ANO6: variants seen among roughly 807,000 people sequenced by gnomAD.
ANO6 encodes anoctamin 6.
Under a neutral mutation model 117.5 loss-of-function variants are expected in ANO6, and 106 were observed. That is an observed-to-expected ratio of 0.90 (90% CI 0.77 to 1.06). The LOEUF (loss-of-function observed/expected upper bound fraction) is 1.06. Among genes scored for constraint, ANO6 ranks in the 50% least tolerant of loss-of-function variants. The pLI, the probability that ANO6 is intolerant of heterozygous loss-of-function variation, is 0.00. For missense variants in ANO6, 955 were observed against 1,121.1 expected (o/e 0.85, Z 2.12); for synonymous variants, 367 against 385.1 (o/e 0.95, Z 0.55).
At chr12:45,253,855 G>A (rs1355974950) in intron 1 of ANO6, among the ~76,000 whole-genome samples, 1 of 152,196 alleles carries the variant, frequency 6.6e-6, no homozygotes, top group African/African-American at 2.4e-5. Context: ...AACTCTCCAT[G>A]TAATAATTCA....
chr12:45,226,426 G>GAAAA (rs10652406), intron 1 of ANO6, among the ~76,000 whole-genome samples: 31 of 149,976 alleles, frequency 2.1e-4, no homozygotes, highest in African/African-American at 6.1e-4. Context: ...ACTTGAAATT[G>GAAAA]AAAAAAAAAG....
intron 2 of ANO6, among the ~76,000 whole-genome samples, chr12:45,320,569 G>C (rs1476092040): frequency 6.6e-6 from 1 of 152,190 alleles, no homozygotes; most frequent in Non-Finnish European, 1.5e-5. Flanking sequence ...TAGGTGCGGT[G>C]TGGTGCTGAG....
At chr12:45,321,956 G>A (rs1041639238) in intron 2 of ANO6, among the ~76,000 whole-genome samples, 2 of 152,074 alleles carry the variant, frequency 1.3e-5, no homozygotes, top group African/African-American at 4.8e-5. Flanking sequence ...GTGACAACTT[G>A]TTTTTTTCAC....
At chr12:45,379,679 G>A (rs537372745) in intron 10 of ANO6, among the ~76,000 whole-genome samples, 4 of 152,244 alleles carry the variant, frequency 2.6e-5, no homozygotes, top group African/African-American at 7.2e-5. Flanking sequence ...CCCAATTAAA[G>A]AAGACATTTG....
intron 3 of ANO6, among the ~76,000 whole-genome samples, chr12:45,336,744 T>C (rs1314135231): frequency 2.6e-5 from 4 of 152,070 alleles, no homozygotes; most frequent in Non-Finnish European, 5.9e-5. Context: ...ATTTTAAAAG[T>C]ATACTTTTTA....
chr12:45,367,815 AT>A, intron 9 of ANO6, 22 bp downstream of exon 9: 1 of 1,545,510 alleles, frequency 6.5e-7, no homozygotes, highest in Non-Finnish European at 8.9e-7. Context: ...TATTGCCAAT[AT>A]TTACACCTAA....
At chr12:45,302,423 C>A (rs1466680937) in intron 2 of ANO6, among the ~76,000 whole-genome samples, 9 of 152,170 alleles carry the variant, frequency 5.9e-5, no homozygotes, top group Admixed American at 5.9e-4. Flanking sequence ...TTGTTAGTAA[C>A]TCTGGAAAGC....
intron 1 of ANO6, 90 bp from the exon 2 acceptor site, chr12:45,301,924 A>G: frequency 9.3e-7 from 1 of 1,074,468 alleles, no homozygotes; most frequent in African/African-American, 1.6e-5. Flanking sequence ...ACCAATGTTA[A>G]TAACCCGGTG....
chr12:45,356,855 T>TA (rs1446226637), intron 7 of ANO6, among the ~76,000 whole-genome samples: 1 of 152,198 alleles, frequency 6.6e-6, no homozygotes, highest in East Asian at 1.9e-4. Context: ...ATTTGTGACT[T>TA]ACGTTACATT....
At chr12:45,267,090 T>C (rs747624459) in intron 1 of ANO6, among the ~76,000 whole-genome samples, 3 of 152,176 alleles carry the variant, frequency 2.0e-5, no homozygotes, top group Non-Finnish European at 4.4e-5. Flanking sequence ...CATCTATTTA[T>C]CTGTTATATT....
At chr12:45,313,804 G>T (rs1017212540) in intron 2 of ANO6, among the ~76,000 whole-genome samples, 1 of 152,042 alleles carries the variant, frequency 6.6e-6, no homozygotes, top group Non-Finnish European at 1.5e-5. Context: ...GCACTTACAC[G>T]TGCTAATGTA....
At chr12:45,391,118 CA>C (rs199907373) in intron 12 of ANO6, among the ~76,000 whole-genome samples, 5 of 144,290 alleles carry the variant, frequency 3.5e-5, no homozygotes, top group Non-Finnish European at 4.6e-5. Context: ...GACTCCATCT[CA>C]AAAAAAAAAT....
chr12:45,287,339 T>C (rs1229161964), intron 1 of ANO6, among the ~76,000 whole-genome samples: 1 of 152,212 alleles, frequency 6.6e-6, no homozygotes, highest in Non-Finnish European at 1.5e-5. Context: ...CACTGCTCAC[T>C]AGCTGTGTGA....
intron 9 of ANO6, among the ~76,000 whole-genome samples, chr12:45,376,984 G>A (rs916579431): frequency 3.6e-4 from 55 of 152,004 alleles, no homozygotes; most frequent in African/African-American, 1.1e-3. Flanking sequence ...AAATTAGATG[G>A]ATGAGAATGT....
At chr12:45,398,707 A>G (rs1312312630) in intron 12 of ANO6, among the ~76,000 whole-genome samples, 3 of 152,198 alleles carry the variant, frequency 2.0e-5, no homozygotes, top group Non-Finnish European at 4.4e-5. Flanking sequence ...AAGTATGGTC[A>G]TGAAGATTTT....
intron 2 of ANO6, among the ~76,000 whole-genome samples, chr12:45,304,152 G>A (rs1213792445): frequency 1.3e-5 from 2 of 151,916 alleles, no homozygotes; most frequent in African/African-American, 4.8e-5. Flanking sequence ...CTTAGCCAGT[G>A]TACTCCCAGT....
At chr12:45,427,867 A>G (rs112921624) in intron 19 of ANO6, among the ~76,000 whole-genome samples, 4,768 of 149,230 alleles carry the variant, frequency 0.032, 102 homozygotes, top group African/African-American at 0.062. Flanking sequence ...TGAACCCGGA[A>G]GATGGAGGTT....
chr12:45,437,897 C>T (rs1385935354), intron 19 of ANO6, among the ~76,000 whole-genome samples: 1 of 152,112 alleles, frequency 6.6e-6, no homozygotes, highest in African/African-American at 2.4e-5. Context: ...TAAAATTGTT[C>T]TGAGAACCAC....
intron 15 of ANO6, among the ~76,000 whole-genome samples, chr12:45,404,705 AC>A (rs1239952162): frequency 2.0e-5 from 3 of 147,592 alleles, no homozygotes; most frequent in African/African-American, 7.5e-5. Context: ...CATCTCCCCC[AC>A]CACCTCTTCC....
Sources: allele counts gnomAD v4.1 joint callset (sites outside exome capture counted in the v4.1 genomes callset), GRCh38; gene constraint gnomAD v4.1.1; transcripts MANE v1.5; gene names NCBI Gene and HGNC (gene_info 2026-07-23, HGNC 2026-07-21).